CREB5: variants seen among roughly 807,000 people sequenced by gnomAD.
CREB5 encodes cAMP responsive element binding protein 5, also known as cyclic AMP-responsive element-binding protein 5.
In CREB5, 19 loss-of-function variants were observed where a neutral mutation model predicts 57.1. The ratio of observed to expected loss-of-function variants is 0.33; its 90% CI spans 0.23 to 0.49. CREB5 has a LOEUF of 0.49. Among genes scored for constraint, CREB5 ranks in the 20% least tolerant of loss-of-function variants. The pLI, the probability that CREB5 is intolerant of heterozygous loss-of-function variation, is 0.99. For synonymous variants in CREB5, 238 were observed against 238.3 expected, an observed-to-expected ratio of 1.00 and a Z score of 0.01; for missense variants, 579 against 671.6, an observed-to-expected ratio of 0.86 and a Z score of 1.52.
rs530903709 is a variant in CREB5, at chr7:28,475,250, CTTTTTTTTTTTTTTTTT to C, written c.4-12904_4-12888del. ...CACTTCATGCGTTATTCAGAAGTTT[CTTTTTTTTTTTTTTTTT>C]TTTTTTTTTTTTTTTTTTTTAGGCT... On this transcript the variant is annotated intron_variant, in intron 1 of 10. Transcript: ENST00000357727. 1.4e-3 allele frequency among the ~76,000 whole-genome samples: 85 copies of C among 59,616 alleles called. 1 individual carries two copies. In the East Asian group the frequency reaches 0.047, roughly 33 times the overall value. 39.1% of individuals were successfully genotyped at this position (59,616 alleles called of 152,430 possible). A position where few individuals can be genotyped will look rare whatever the true frequency, so the allele number is the denominator to read the frequency against.
rs533105353 is a variant in CREB5 at position 28,418,943 on chromosome 7, T to A, written c.3+6026T>A. ...TATTTATAAATAACATTCTTTCGGG[T>A]GCTTTCCCATGCATTATTTGCAGTT... is the stretch of plus-strand genomic sequence containing the variant. On this transcript the variant is annotated intron_variant, in intron 1 of 10. Transcript: ENST00000357727. Among the ~76,000 whole-genome samples, 35 of 152,348 alleles carry A rather than the reference T, an allele frequency of 2.3e-4. No homozygotes were observed. In the South Asian group the frequency reaches 7.3e-3, roughly 32 times the overall value.
chr7:28,315,956 G>GT (rs556463617), intron 1 of CREB5, among the ~76,000 whole-genome samples: 4 of 152,020 alleles, frequency 2.6e-5, no homozygotes, highest in Admixed American at 6.6e-5. Context: ...ACAGGTCCTG[G>GT]TTTTTTTTAC....
chr7:28,491,058 C>A, intron 2 of CREB5: 1 of 277,060 alleles, frequency 3.6e-6, no homozygotes, highest in Non-Finnish European at 5.5e-6. Flanking sequence ...GGAACGGGGG[C>A]GGAGGCCAAA....
intron 4 of CREB5, among the ~76,000 whole-genome samples, chr7:28,560,995 CCTGCGTGT>C (rs1795234917): frequency 3.7e-5 from 1 of 27,346 alleles, no homozygotes; most frequent in Admixed American, 4.2e-4. Flanking sequence ...CGTGTGTGTG[CCTGCGTGT>C]GCGTGTGTGT....
chr7:28,404,943 A>G (rs1178807810), intron 1 of CREB5, among the ~76,000 whole-genome samples: 2 of 152,190 alleles, frequency 1.3e-5, no homozygotes, highest in Non-Finnish European at 2.9e-5. Context: ...CAGCTGTGCA[A>G]TTCTGGGTAA....
At chr7:28,345,731 G>C (rs892181539) in intron 1 of CREB5, among the ~76,000 whole-genome samples, 4 of 152,208 alleles carry the variant, frequency 2.6e-5, no homozygotes, top group African/African-American at 9.6e-5. Context: ...CAACAGGATG[G>C]TGGGAGCTGC....
intron 1 of CREB5, among the ~76,000 whole-genome samples, chr7:28,304,084 T>C (rs1246014010): frequency 2.0e-5 from 3 of 152,162 alleles, no homozygotes; most frequent in South Asian, 2.1e-4. Flanking sequence ...TACCTAATGA[T>C]AGCAAGAATA....
chr7:28,441,068 A>G (rs1789166587), intron 1 of CREB5, among the ~76,000 whole-genome samples: 1 of 152,212 alleles, frequency 6.6e-6, no homozygotes, highest in African/African-American at 2.4e-5. Flanking sequence ...TGATTCATTT[A>G]TACTTAACTC....
At chr7:28,437,507 C>T (rs984194236) in intron 1 of CREB5, among the ~76,000 whole-genome samples, 2 of 152,120 alleles carry the variant, frequency 1.3e-5, no homozygotes, top group African/African-American at 4.8e-5. Flanking sequence ...CTATCATCTT[C>T]TACCAGTATT....
intron 7 of CREB5, among the ~76,000 whole-genome samples, chr7:28,802,397 A>C (rs906103499): frequency 6.6e-6 from 1 of 152,122 alleles, no homozygotes; most frequent in African/African-American, 2.4e-5. Flanking sequence ...GGTATTTTTC[A>C]ATAGTGTATG....
chr7:28,626,323 G>A (rs974201276), intron 5 of CREB5, among the ~76,000 whole-genome samples: 1 of 152,114 alleles, frequency 6.6e-6, no homozygotes, highest in African/African-American at 2.4e-5. Flanking sequence ...AAATTTCCTG[G>A]TAGTCTCTTG....
intron 1 of CREB5, among the ~76,000 whole-genome samples, chr7:28,404,864 G>A (rs1381430422): frequency 6.6e-6 from 1 of 152,142 alleles, no homozygotes; most frequent in African/African-American, 2.4e-5. Context: ...CCAAAGTATG[G>A]GGTGCCTTCA....
At chr7:28,642,398 A>G (rs1434674771) in intron 5 of CREB5, among the ~76,000 whole-genome samples, 2 of 152,320 alleles carry the variant, frequency 1.3e-5, no homozygotes, top group Admixed American at 1.3e-4. Flanking sequence ...CAAGAGACAT[A>G]ATTAAAACTC....
intron 4 of CREB5, among the ~76,000 whole-genome samples, chr7:28,536,772 A>G (rs1562782147): frequency 6.6e-6 from 1 of 152,128 alleles, no homozygotes; most frequent in Non-Finnish European, 1.5e-5. Flanking sequence ...TCACAATCTT[A>G]TTTAGTTTCA....
intron 4 of CREB5, among the ~76,000 whole-genome samples, chr7:28,517,399 G>A (rs1194207043): frequency 1.3e-5 from 2 of 152,124 alleles, no homozygotes; most frequent in South Asian, 2.1e-4. Context: ...CTGGGATTCC[G>A]AGCATTCCTC....
intron 1 of CREB5, among the ~76,000 whole-genome samples, chr7:28,306,922 T>C (rs577950035): frequency 1.1e-3 from 165 of 152,328 alleles, no homozygotes; most frequent in Admixed American, 1.9e-3. Context: ...GTGAGAATGA[T>C]GATTGGAGTA....
chr7:28,521,149 T>G (rs1242251494), intron 4 of CREB5, among the ~76,000 whole-genome samples: 1 of 149,852 alleles, frequency 6.7e-6, no homozygotes, highest in Admixed American at 6.8e-5. Context: ...TGTGTGGGCA[T>G]GCAAGTGTGC....
chr7:28,330,999 C>A (rs1785705520), intron 1 of CREB5, among the ~76,000 whole-genome samples: 1 of 152,108 alleles, frequency 6.6e-6, no homozygotes, highest in African/African-American at 2.4e-5. Flanking sequence ...TGGGGACAGA[C>A]CTGGTTCACT....
At chr7:28,760,163 A>G (rs567733510) in intron 7 of CREB5, among the ~76,000 whole-genome samples, 2 of 152,056 alleles carry the variant, frequency 1.3e-5, no homozygotes, top group African/African-American at 4.8e-5. Flanking sequence ...TGATTTCCCA[A>G]CTCTGCTAAT....
Sources: allele counts gnomAD v4.1 joint callset (sites outside exome capture counted in the v4.1 genomes callset), GRCh38; gene constraint gnomAD v4.1.1; transcripts MANE v1.5; gene names NCBI Gene and HGNC (gene_info 2026-07-23, HGNC 2026-07-21).